The following NKAIN3 variants were observed in gnomAD, a reference collection of about 807,000 sequenced individuals.
The protein encoded by NKAIN3 is sodium/potassium transporting ATPase interacting 3.
Under a neutral mutation model 30.2 loss-of-function variants are expected in NKAIN3, and 25 were observed. The ratio of observed to expected loss-of-function variants is 0.83; its 90% CI spans 0.60 to 1.16. The LOEUF (loss-of-function observed/expected upper bound fraction) is 1.16. Among genes scored for constraint, NKAIN3 ranks in the 50% most tolerant of loss-of-function variants. The probability of loss-of-function intolerance (pLI) is 0.00; values close to 1 mark genes in which losing one functional copy is unlikely to be tolerated. For synonymous variants in NKAIN3, 91 were observed against 89.6 expected, an observed-to-expected ratio of 1.02 and a Z score of -0.09; for missense variants, 225 against 254.1, an observed-to-expected ratio of 0.89 and a Z score of 0.78.
chr8:62,738,756 T>G (rs1815762210), intron 3 of NKAIN3, among the ~76,000 whole-genome samples: 1 of 152,120 alleles, frequency 6.6e-6, no homozygotes, highest in African/African-American at 2.4e-5. Context: ...ATTGCAAAAA[T>G]TTTCTCCCAT....
At chr8:62,815,877 T>C (rs1291799673) in intron 4 of NKAIN3, among the ~76,000 whole-genome samples, 1 of 152,202 alleles carries the variant, frequency 6.6e-6, no homozygotes, top group Admixed American at 6.6e-5. Context: ...TATTTCAATA[T>C]TTCTGTTTGA....
intron 4 of NKAIN3, among the ~76,000 whole-genome samples, chr8:62,869,928 C>G (rs1402406851): frequency 2.6e-5 from 4 of 151,986 alleles, no homozygotes; most frequent in Non-Finnish European, 5.9e-5. Context: ...CGCCACCACG[C>G]CCAGCTAATT....
intron 1 of NKAIN3, among the ~76,000 whole-genome samples, chr8:62,491,429 A>T (rs1243995992): frequency 6.6e-6 from 1 of 152,170 alleles, no homozygotes; most frequent in Non-Finnish European, 1.5e-5. Flanking sequence ...ACTGAGTGTC[A>T]GAGCTTCCCT....
At chr8:62,691,046 G>A (rs1301715249) in intron 3 of NKAIN3, among the ~76,000 whole-genome samples, 1 of 152,104 alleles carries the variant, frequency 6.6e-6, no homozygotes, top group African/African-American at 2.4e-5. Flanking sequence ...TCTAAAACAC[G>A]GGATCAAGTT....
chr8:62,587,529 A>G (rs827689), intron 2 of NKAIN3, among the ~76,000 whole-genome samples: 30,787 of 151,856 alleles, frequency 0.2, 3,245 homozygotes, highest in East Asian at 0.31. Flanking sequence ...GTGACTGGTT[A>G]TCTTGCCATG....
intron 1 of NKAIN3, among the ~76,000 whole-genome samples, chr8:62,456,726 T>A (rs1298833390): frequency 6.6e-6 from 1 of 152,214 alleles, no homozygotes; most frequent in Non-Finnish European, 1.5e-5. Context: ...AAGTTTCCAC[T>A]TATCTCAGCC....
chr8:62,346,850 G>A (rs150703644), intron 1 of NKAIN3, among the ~76,000 whole-genome samples: 7 of 152,082 alleles, frequency 4.6e-5, no homozygotes, highest in Non-Finnish European at 1.0e-4. Flanking sequence ...CAAGGTACTT[G>A]GAATGGGTAC....
Position 62,758,791 on chromosome 8 carries a change from G to A in NKAIN3, c.471+11662G>A, listed in dbSNP as rs530999607. Among the ~76,000 whole-genome samples, 14 of 152,270 alleles carry A rather than the reference G, an allele frequency of 9.2e-5. No individual in the cohort carries two copies. In the South Asian group the frequency reaches 2.7e-3, roughly 29 times the overall value. On this transcript the variant is annotated intron_variant, in intron 4 of 6. Transcript: ENST00000623646. The stretch of plus-strand genomic sequence containing the variant: ...TTGAGATAATGAAATCCCCTCTCTT[G>A]CTCTTTCAGTCAGAATGGTCCCTAT...
intron 5 of NKAIN3, among the ~76,000 whole-genome samples, chr8:62,924,097 G>A (rs1475576123): frequency 6.6e-6 from 1 of 152,094 alleles, no homozygotes; most frequent in Non-Finnish European, 1.5e-5. Context: ...ATCATCTACA[G>A]CGATATATCC....
At chr8:62,430,138 A>G (rs896957216) in intron 1 of NKAIN3, among the ~76,000 whole-genome samples, 1 of 151,798 alleles carries the variant, frequency 6.6e-6, no homozygotes, top group Non-Finnish European at 1.5e-5. Context: ...ACATAACATG[A>G]TGTTCTCAAA....
chr8:62,994,125 T>G (rs1324705003), intron 5 of NKAIN3, among the ~76,000 whole-genome samples: 1 of 152,200 alleles, frequency 6.6e-6, no homozygotes, highest in Non-Finnish European at 1.5e-5. Flanking sequence ...AAAGTTGTCC[T>G]GCAGATATAC....
chr8:62,930,519 G>C (rs1563633035), intron 5 of NKAIN3, among the ~76,000 whole-genome samples: 2 of 152,080 alleles, frequency 1.3e-5, no homozygotes, highest in Non-Finnish European at 1.5e-5. Flanking sequence ...CTCCCAAAGT[G>C]CTGGGATTAC....
chr8:62,597,057 G>C (rs547163125), intron 3 of NKAIN3, among the ~76,000 whole-genome samples: 1 of 152,190 alleles, frequency 6.6e-6, no homozygotes, highest in East Asian at 1.9e-4. Flanking sequence ...CTGATACTAA[G>C]ACTGCTACTG....
At chr8:62,907,931 G>A (rs1195684299) in intron 4 of NKAIN3, among the ~76,000 whole-genome samples, 1 of 152,160 alleles carries the variant, frequency 6.6e-6, no homozygotes, top group Admixed American at 6.5e-5. Context: ...GTGAGATGAG[G>A]GCCACTGTCC....
intron 3 of NKAIN3, among the ~76,000 whole-genome samples, chr8:62,735,668 C>A (rs761801134): frequency 1.3e-5 from 2 of 152,102 alleles, no homozygotes; most frequent in Admixed American, 6.6e-5. Context: ...TTCTTGGATC[C>A]ATTGCTGGTG....
Position 62,722,952 on chromosome 8 carries a change from G to T in NKAIN3, c.274-23980G>T, listed in dbSNP as rs575492961. ...GGTTAGTCAACAACTTGAGATTGGTGGTGACAAATAAGAACCTGCCAGAGA... is the reference window on the plus strand; with the variant it reads ...GGTTAGTCAACAACTTGAGATTGGTTGTGACAAATAAGAACCTGCCAGAGA... On this transcript the variant is annotated intron_variant, in intron 3 of 6. Coordinates refer to ENST00000623646, the MANE Select transcript of NKAIN3 (RefSeq NM_001304533.3). 5.9e-5 allele frequency among the ~76,000 whole-genome samples: 9 copies of T among 152,256 alleles called. No homozygotes were observed. In the East Asian group the frequency reaches 1.7e-3, roughly 29 times the overall value.
chr8:62,865,071 G>A (rs1586285438), intron 4 of NKAIN3, among the ~76,000 whole-genome samples: 1 of 151,996 alleles, frequency 6.6e-6, no homozygotes, highest in East Asian at 1.9e-4. Context: ...GTTTTCTTCT[G>A]GAAAAAAATA....
chr8:62,424,670 A>G (rs1434759505), intron 1 of NKAIN3, among the ~76,000 whole-genome samples: 1 of 151,884 alleles, frequency 6.6e-6, no homozygotes, highest in Non-Finnish European at 1.5e-5. Context: ...TTAAAAGACA[A>G]TTTAGAACTC....
intron 1 of NKAIN3, among the ~76,000 whole-genome samples, chr8:62,485,609 C>G (rs2129601228): frequency 6.6e-6 from 1 of 152,286 alleles, no homozygotes; most frequent in East Asian, 1.9e-4. Flanking sequence ...GCAAAGAACA[C>G]AACTGAATGC....
Sources: allele counts gnomAD v4.1 joint callset (sites outside exome capture counted in the v4.1 genomes callset), GRCh38; gene constraint gnomAD v4.1.1; transcripts MANE v1.5; gene names NCBI Gene and HGNC (gene_info 2026-07-23, HGNC 2026-07-21).